Variants in MEGF6 observed in about 807,000 individuals in gnomAD.
The protein encoded by MEGF6 is multiple epidermal growth factor-like domains protein 6.
MEGF6 carries 184 observed loss-of-function variants against 207.1 expected under a neutral mutation model. The ratio of observed to expected loss-of-function variants is 0.89; its 90% CI spans 0.79 to 1.00. The LOEUF (loss-of-function observed/expected upper bound fraction) is 1.00. Among genes scored for constraint, MEGF6 ranks in the 50% least tolerant of loss-of-function variants. MEGF6 has a pLI of 0.00. For missense variants in MEGF6, 2,282 were observed against 2,202.9 expected, an observed-to-expected ratio of 1.04 and a Z score of -0.72; for synonymous variants, 1,038 against 910.0, an observed-to-expected ratio of 1.14 and a Z score of -2.53.
At chr1:3,497,440 T>C in intron 26 of MEGF6, 79 bp from the exon 27 acceptor site, 2 of 1,434,238 alleles carry the variant, frequency 1.4e-6, no homozygotes, top group Non-Finnish European at 1.8e-6. Context: ...CGGGAGCAGG[T>C]GCTGTGGGTA....
In MEGF6 at chr1:3,573,830, A is replaced by ACTGCCCAATG; in HGVS notation, c.481+5994_481+5995insCATTGGGCAG. Among the ~76,000 whole-genome samples, 1 of 152,218 alleles carries ACTGCCCAATG rather than the reference A, an allele frequency of 6.6e-6. No individual in the cohort carries two copies. Among genetic ancestry groups the ACTGCCCAATG allele is most frequent in the South Asian group, 2.1e-4 (1 of 4,830 alleles). On this transcript the variant is annotated intron_variant, in intron 4 of 36. Transcript: ENST00000356575. The surrounding 1 kb of genome is among the most constrained non-coding windows in gnomAD (Gnocchi z 5.1). ...AGGGGTCAGACTCCCACCCTCAGAC[A>ACTGCCCAATG]CAGTGGGCAGCATTGAAAGGCAGTG...
chr1:3,499,761 C>T (rs1459675251), intron 22 of MEGF6, 35 bp downstream of exon 22: 1 of 1,586,162 alleles, frequency 6.3e-7, no homozygotes, highest in Non-Finnish European at 8.6e-7. Context: ...CACTGGAGGC[C>T]ACCCAGCCTA....
Position 3,511,591 on chromosome 1 carries a change from G to A in MEGF6, c.1073C>T (p.Pro358Leu), listed in dbSNP as rs1313639440. 1.2e-6 allele frequency: 2 copies of A among 1,612,024 alleles called. No individual in the cohort carries two copies. The highest frequency in any genetic ancestry group is 1.7e-6 in the Non-Finnish European group (2 of 1,179,330). ...HTSAGPLCTCPRGYELDTDQR... is the reference protein window; with the variant it reads ...HTSAGPLCTCLRGYELDTDQR... Reference sequence around the variant, plus strand: ...ATCTGTGTCCAGCTCGTAGCCGCGGGGACATGTGCACAGGGGCCCAGCACT... The same window carrying A: ...ATCTGTGTCCAGCTCGTAGCCGCGGAGACATGTGCACAGGGGCCCAGCACT... Residue 358 changes from proline to leucine, a missense_variant, in exon 9 of 37, where the codon CCC becomes CTC. By Grantham distance (98) the Pro-to-Leu change is moderately conservative (BLOSUM62 -3). Coordinates refer to ENST00000356575, the MANE Select transcript of MEGF6 (RefSeq NM_001409.4).
intron 2 of MEGF6, among the ~76,000 whole-genome samples, chr1:3,600,147 C>T (rs1233623728): frequency 6.6e-6 from 1 of 152,136 alleles, no homozygotes; most frequent in Admixed American, 6.5e-5. Flanking sequence ...GCCCGGGCTG[C>T]CTTCCCTGCA....
intron 2 of MEGF6, among the ~76,000 whole-genome samples, chr1:3,599,270 TC>T (rs1178918706): frequency 1.3e-5 from 2 of 152,036 alleles, no homozygotes; most frequent in Non-Finnish European, 2.9e-5. Flanking sequence ...CCTGCTGGCC[TC>T]CCCCCCAGAG....
chr1:3,494,770 A>G, intron 30 of MEGF6, 29 bp from the exon 31 acceptor site: 1 of 1,534,744 alleles, frequency 6.5e-7, no homozygotes, highest in Admixed American at 1.9e-5. Flanking sequence ...TGCTGCCTGG[A>G]GCTCTGGCCG....
intron 17 of MEGF6, among the ~76,000 whole-genome samples, chr1:3,502,153 G>T (rs996257265): frequency 3.7e-5 from 3 of 82,128 alleles, no homozygotes; most frequent in African/African-American, 5.8e-5. Context: ...CACACCTGGG[G>T]TCCCCAGAGT....
chr1:3,579,713 G>T, intron 4 of MEGF6, 112 bp downstream of exon 4: 1 of 652,402 alleles, frequency 1.5e-6, no homozygotes, highest in Non-Finnish European at 2.4e-6. Context: ...CCGTTCACTC[G>T]GGGTGTCCCC....
intron 3 of MEGF6, among the ~76,000 whole-genome samples, chr1:3,583,356 ACGCG>A (rs1162507476): frequency 4.7e-5 from 6 of 127,662 alleles, no homozygotes; most frequent in African/African-American, 2.2e-4. Flanking sequence ...CCACCAGACA[ACGCG>A]CAGCCACCAG....
At chr1:3,517,057 C>T (rs1409183672) in intron 5 of MEGF6, among the ~76,000 whole-genome samples, 1 of 152,270 alleles carries the variant, frequency 6.6e-6, no homozygotes, top group Admixed American at 6.5e-5. Context: ...ACCGTGGCTC[C>T]AGGGGCCTCT....
rs1377609932 is a variant in MEGF6, at chr1:3,560,636, C to T, written c.481+19189G>A. 3 of 433,624 alleles carry T rather than the reference C, an allele frequency of 6.9e-6. No homozygotes were observed. Among genetic ancestry groups the T allele is most frequent in the South Asian group, 1.6e-5 (1 of 61,588 alleles). The allele number at this position is 433,624 out of a possible 1,614,324, so 26.9% of individuals were successfully genotyped here. On this transcript the variant is annotated intron_variant, in intron 4 of 36. Transcript: ENST00000356575. This position sits in a 1 kb window ranked among gnomAD's most constrained non-coding sequence, Gnocchi z 4.0. ...TAGGCAGGGAAAGGCTCTGGGGATCCGGGGTCCCTTCCCAGGCTTGGGGGA... is the reference window on the plus strand; with the variant it reads ...TAGGCAGGGAAAGGCTCTGGGGATCTGGGGTCCCTTCCCAGGCTTGGGGGA...
chr1:3,581,314 C>T (rs1401888714), intron 3 of MEGF6, among the ~76,000 whole-genome samples: 1 of 152,118 alleles, frequency 6.6e-6, no homozygotes, highest in Non-Finnish European at 1.5e-5. Flanking sequence ...ATGGCGGCAT[C>T]CCCTCCCCAC....
Position 3,494,467 on chromosome 1 carries a change from G to A in MEGF6, c.4033C>T (p.His1345Tyr), listed in dbSNP as rs1640514377. 6.3e-7 allele frequency: 1 copy of A among 1,581,526 alleles called. No homozygotes were observed. The highest frequency in any genetic ancestry group is 1.8e-5 in the Admixed American group (1 of 56,134). Residue 1345 changes from histidine to tyrosine, a missense_variant, in exon 32 of 37, where the codon CAT becomes TAT. Physicochemically the swap from His to Tyr is moderately conservative, Grantham distance 83. Coordinates refer to ENST00000356575, the MANE Select transcript of MEGF6 (RefSeq NM_001409.4). ...TTGTTGTGGCAGGAGCACTCCAGAT[G>A]GCAGGCGGCTCCGTAGCGCCCAGGG... Reference protein sequence around the residue: ...CPPGRYGAACHLECSCHNNST... With the variant: ...CPPGRYGAACYLECSCHNNST...
At chr1:3,501,639 C>T (rs1397943069) in intron 18 of MEGF6, among the ~76,000 whole-genome samples, 157 bp downstream of exon 18, 3 of 152,072 alleles carry the variant, frequency 2.0e-5, no homozygotes, top group Non-Finnish European at 2.9e-5. Flanking sequence ...AGCCACAGAC[C>T]CCCCCTCCCT....
chr1:3,584,135 G>T (rs191900203), intron 3 of MEGF6, among the ~76,000 whole-genome samples: 2 of 152,246 alleles, frequency 1.3e-5, no homozygotes, highest in Non-Finnish European at 1.5e-5. Context: ...TGCCACCGGC[G>T]CAGGACGGCA....
At chr1:3,528,509 T>C (rs1642040806) in intron 4 of MEGF6, among the ~76,000 whole-genome samples, 1 of 152,212 alleles carries the variant, frequency 6.6e-6, no homozygotes, top group Non-Finnish European at 1.5e-5. Flanking sequence ...GACCCTCATA[T>C]GGCAGAGGGA....
intron 1 of MEGF6, among the ~76,000 whole-genome samples, chr1:3,609,719 C>T (rs1644300076): frequency 6.6e-6 from 1 of 152,216 alleles, no homozygotes; most frequent in South Asian, 2.1e-4. Context: ...ACCTCCCGAG[C>T]CCAGGTGCAG....
intron 3 of MEGF6, among the ~76,000 whole-genome samples, chr1:3,580,513 G>T (rs1394268937): frequency 6.6e-6 from 1 of 152,098 alleles, no homozygotes; most frequent in Non-Finnish European, 1.5e-5. Context: ...AGGGTGTGAG[G>T]GTGGAGGAGG....
rs1317017208 is a variant in MEGF6, at chr1:3,488,972, T to C, written c.*1556A>G. On this transcript the variant is annotated 3_prime_UTR_variant, in exon 37 of 37. Transcript: ENST00000356575. ...CACCTCCCTTACCCATTTCCATTCA[T>C]CTATCTCTGTACGTTGTCTCTCTTT... Among the ~76,000 whole-genome samples the C allele has an allele frequency of 6.6e-6, 1 of 152,208 alleles. No homozygotes were observed. Among genetic ancestry groups the C allele is most frequent in the Admixed American group, 6.5e-5 (1 of 15,286 alleles).
Sources: gnomAD v4.1 joint callset for allele counts (sites outside exome capture counted in the v4.1 genomes callset) on GRCh38, gnomAD v4.1.1 for gene constraint, Gnocchi (gnomAD v3.1) non-coding constraint, MANE v1.5 for transcripts, NCBI Gene and HGNC (gene_info 2026-07-23, HGNC 2026-07-21) for gene names.